Variants in ZNF474 observed in about 807,000 individuals in gnomAD.
The protein encoded by ZNF474 is zinc finger protein 474.
For synonymous variants in ZNF474, 192 were observed against 162.2 expected (o/e 1.18, Z -1.39); for missense variants, 511 against 433.8 (o/e 1.18, Z -1.58).
At chr5:122,132,209 A>G (rs565128462) in intron 1 of ZNF474, among the ~76,000 whole-genome samples, 7 of 152,248 alleles carry the variant, frequency 4.6e-5, no homozygotes, top group African/African-American at 1.7e-4. Flanking sequence ...TGAATATGCT[A>G]TAATTTTGTA....
rs1756248204 is a variant in ZNF474, at chr5:122,153,263, T to A, written c.*178T>A. On this transcript the variant is annotated 3_prime_UTR_variant, in exon 2 of 2. Coordinates refer to ENST00000296600, the MANE Select transcript of ZNF474 (RefSeq NM_207317.3). ...ACATCCTTGCCTGATGGGTTCATATTCCTCTTCAATTCTGCTGTCTAAAAG... is the reference window on the plus strand; with the variant it reads ...ACATCCTTGCCTGATGGGTTCATATACCTCTTCAATTCTGCTGTCTAAAAG... 1 of 656,358 alleles carries A rather than the reference T, an allele frequency of 1.5e-6. No individual in the cohort carries two copies. Among genetic ancestry groups the A allele is most frequent in the Non-Finnish European group, 2.5e-6 (1 of 406,346 alleles). 40.7% of individuals were successfully genotyped at this position (656,358 alleles called of 1,614,324 possible).
rs1016630933 is a variant in ZNF474 at position 122,153,150 on chromosome 5, C to G, written c.*65C>G. 6.5e-7 allele frequency: 1 copy of G among 1,536,342 alleles called. No homozygotes were observed. Among genetic ancestry groups the G allele is most frequent in the Non-Finnish European group, 8.7e-7 (1 of 1,144,688 alleles). ...GCCCCTAGTATTTTTTCTATCAATG[C>G]CTTGTATCAGCCTCAAAGCAGCCTG... On this transcript the variant is annotated 3_prime_UTR_variant, in exon 2 of 2. Coordinates refer to ENST00000296600, the MANE Select transcript of ZNF474 (RefSeq NM_207317.3).
intron 1 of ZNF474, among the ~76,000 whole-genome samples, chr5:122,141,181 C>G (rs1050863752): frequency 8.0e-6 from 1 of 124,718 alleles, no homozygotes; most frequent in Admixed American, 8.2e-5. Context: ...TTTTTGGAAA[C>G]AGTCTATTGC....
chr5:122,151,276 A>G (rs1756161955), intron 1 of ZNF474, among the ~76,000 whole-genome samples: 1 of 152,216 alleles, frequency 6.6e-6, no homozygotes, highest in Admixed American at 6.5e-5. Flanking sequence ...TAAAAATACT[A>G]TTCTGAGAAG....
intron 1 of ZNF474, among the ~76,000 whole-genome samples, chr5:122,149,424 CTTCT>C (rs1756103132): frequency 6.6e-6 from 1 of 152,182 alleles, no homozygotes; most frequent in South Asian, 2.1e-4. Context: ...CTTCTTGCCT[CTTCT>C]TTCTTCTAAA....
Position 122,152,417 on chromosome 5 carries a change from A to C in ZNF474, c.427A>C (p.Ser143Arg), listed in dbSNP as rs1173512378. The change falls in exon 2 of 2, where the codon AGC (serine) becomes CGC (arginine). Residue 143 changes from serine to arginine, a missense_variant. Transcript: ENST00000296600. Reference protein sequence around the residue: ...RPEPSKPQSLSSSGSYSLQAT... With the variant: ...RPEPSKPQSLRSSGSYSLQAT... ...AGAACCCTCCAAACCACAGTCTCTC[A>C]GCAGCAGTGGGTCCTACAGTCTTCA... The C allele has an allele frequency of 6.2e-7, 1 of 1,614,188 alleles. No homozygotes were observed. The highest frequency in any genetic ancestry group is 8.5e-7 in the Non-Finnish European group (1 of 1,180,028).
chr5:122,150,136 A>C (rs1277539443), intron 1 of ZNF474, among the ~76,000 whole-genome samples: 2 of 152,204 alleles, frequency 1.3e-5, no homozygotes, highest in Non-Finnish European at 2.9e-5. Flanking sequence ...GTTTGTGGAA[A>C]TAACCCACGG....
At chr5:122,132,260 T>C (rs1481447921) in intron 1 of ZNF474, among the ~76,000 whole-genome samples, 1 of 152,282 alleles carries the variant, frequency 6.6e-6, no homozygotes, top group African/African-American at 2.4e-5. Context: ...ATTTCCAGTT[T>C]TTCACTACTA....
At chr5:122,147,301 T>G (rs1034583354) in intron 1 of ZNF474, among the ~76,000 whole-genome samples, 1 of 152,226 alleles carries the variant, frequency 6.6e-6, no homozygotes, top group African/African-American at 2.4e-5. Flanking sequence ...TTTTGTTCAT[T>G]TAAAGAATTT....
At chr5:122,148,467 C>A (rs1756050188) in intron 1 of ZNF474, among the ~76,000 whole-genome samples, 1 of 152,104 alleles carries the variant, frequency 6.6e-6, no homozygotes, top group Non-Finnish European at 1.5e-5. Flanking sequence ...AAGATCTATC[C>A]CTAATCAAAT....
At chr5:122,137,713 T>C (rs949527221) in intron 1 of ZNF474, among the ~76,000 whole-genome samples, 3 of 151,982 alleles carry the variant, frequency 2.0e-5, no homozygotes, top group Admixed American at 6.6e-5. Context: ...CAAAAGGAGA[T>C]AGGCAGAGAC....
At chr5:122,151,702 TAA>T in intron 1 of ZNF474, 75 bp from the exon 2 acceptor site, 1 of 237,240 alleles carries the variant, frequency 4.2e-6, no homozygotes, top group Non-Finnish European at 7.8e-6. Context: ...CAAAACAACC[TAA>T]ATGTGTGTGT....
intron 1 of ZNF474, among the ~76,000 whole-genome samples, chr5:122,150,629 T>G (rs140237185): frequency 1.3e-5 from 2 of 152,134 alleles, no homozygotes; most frequent in Non-Finnish European, 2.9e-5. Flanking sequence ...ATAAAGGAAA[T>G]GAAAAAGGTC....
In ZNF474 at chr5:122,153,409, A is replaced by C; in HGVS notation, c.*324A>C. The stretch of plus-strand genomic sequence containing the variant: ...ATTACAGAGATATAATTCCCATTCC[A>C]ACAGCCAATATTTATTGTCGGTTTA... On this transcript the variant is annotated 3_prime_UTR_variant, in exon 2 of 2. Coordinates refer to ENST00000296600, the MANE Select transcript of ZNF474 (RefSeq NM_207317.3). 1 of 261,950 alleles carries C rather than the reference A, an allele frequency of 3.8e-6. No homozygotes were observed. The highest frequency in any genetic ancestry group is 8.1e-5 in the East Asian group (1 of 12,322). 16.2% of individuals were successfully genotyped at this position (261,950 alleles called of 1,614,324 possible).
At chr5:122,134,618 A>G (rs1291894622) in intron 1 of ZNF474, among the ~76,000 whole-genome samples, 2 of 152,198 alleles carry the variant, frequency 1.3e-5, no homozygotes, top group African/African-American at 2.4e-5. Flanking sequence ...GAGCTGAACG[A>G]TGGCCAGATT....
intron 1 of ZNF474, among the ~76,000 whole-genome samples, chr5:122,133,403 G>A (rs568682422): frequency 3.3e-5 from 5 of 152,160 alleles, no homozygotes; most frequent in East Asian, 1.9e-4. Context: ...ATATTCTTAC[G>A]AATTGACAGA....
At chr5:122,132,917 T>C (rs1000162215) in intron 1 of ZNF474, among the ~76,000 whole-genome samples, 3 of 152,180 alleles carry the variant, frequency 2.0e-5, no homozygotes, top group African/African-American at 7.2e-5. Flanking sequence ...GAAGCAAGTA[T>C]TCAGAATAAA....
chr5:122,151,863 G>T lies in ZNF474; in HGVS notation c.-128G>T. 8.6e-7 allele frequency: 1 copy of T among 1,163,094 alleles called. No individual in the cohort carries two copies. Among genetic ancestry groups the T allele is most frequent in the East Asian group, 2.4e-5 (1 of 41,876 alleles). The allele number at this position is 1,163,094 out of a possible 1,614,324, so 72.0% of individuals were successfully genotyped here. A position where few individuals can be genotyped will look rare whatever the true frequency, so the allele number is the denominator to read the frequency against. On this transcript the variant is annotated 5_prime_UTR_variant, in exon 2 of 2. It removes the in-frame stop codon of an upstream open reading frame in the 5' UTR. Transcript: ENST00000296600. ...AATGAAGCTCTGAGTCACGGTCTGT[G>T]AGGCTAAGGTACTGGCAACGGTGTG... is the stretch of plus-strand genomic sequence containing the variant.
chr5:122,147,317 C>A (rs545457258), intron 1 of ZNF474, among the ~76,000 whole-genome samples: 2 of 152,204 alleles, frequency 1.3e-5, no homozygotes, highest in East Asian at 3.9e-4. Context: ...AATTTGAATT[C>A]AATACTAATA....
Sources: allele counts gnomAD v4.1 joint callset (sites outside exome capture counted in the v4.1 genomes callset), GRCh38; gene constraint gnomAD v4.1.1; transcripts MANE v1.5; gene names NCBI Gene and HGNC (gene_info 2026-07-23, HGNC 2026-07-21).